SLX4IP: variants seen among roughly 807,000 people sequenced by gnomAD.
SLX4IP encodes the protein SLX4 interacting protein, also known as protein SLX4IP.
In SLX4IP, 34 loss-of-function variants were observed where a neutral mutation model predicts 32.9. The observed-to-expected ratio is 1.03, with a 90% CI of 0.79 to 1.38. The LOEUF (loss-of-function observed/expected upper bound fraction) is 1.38. Ranked by LOEUF, SLX4IP falls within the 40% of genes most tolerant of loss-of-function variation. SLX4IP has a pLI of 0.00. For missense variants in SLX4IP, 444 were observed against 479.0 expected, an observed-to-expected ratio of 0.93 and a Z score of 0.68; for synonymous variants, 172 against 171.7, an observed-to-expected ratio of 1.00 and a Z score of -0.01.
At chr20:10,556,113 T>C (rs2066264009) in intron 2 of SLX4IP, 118 bp from the exon 3 acceptor site, 2 of 771,696 alleles carry the variant, frequency 2.6e-6, no homozygotes, top group African/African-American at 1.8e-5. Flanking sequence ...TTCTGTCTAG[T>C]AGTGAACTTT....
At chr20:10,565,225 C>T (rs1292840357) in intron 4 of SLX4IP, among the ~76,000 whole-genome samples, 1 of 152,156 alleles carries the variant, frequency 6.6e-6, no homozygotes, top group African/African-American at 2.4e-5. Context: ...CCTTAGTTGC[C>T]TGACATTCTT....
At chr20:10,597,540 A>G (rs1679061144) in intron 4 of SLX4IP, among the ~76,000 whole-genome samples, 1 of 152,242 alleles carries the variant, frequency 6.6e-6, no homozygotes, top group Admixed American at 6.5e-5. Context: ...CTTCTGGATC[A>G]GGCTTCTTTC....
At chr20:10,584,355 G>A (rs2035082158) in intron 4 of SLX4IP, among the ~76,000 whole-genome samples, 1 of 152,100 alleles carries the variant, frequency 6.6e-6, no homozygotes, top group South Asian at 2.1e-4. Flanking sequence ...ATAGAATCCA[G>A]CTAAAGGCCT....
At chr20:10,568,983 C>G (rs569720414) in intron 4 of SLX4IP, among the ~76,000 whole-genome samples, 52 of 152,232 alleles carry the variant, frequency 3.4e-4, no homozygotes, top group African/African-American at 1.2e-3. Flanking sequence ...TCTCTTTTTC[C>G]CTTGTGCAAA....
intron 6 of SLX4IP, chr20:10,614,011 C>G: frequency 7.6e-7 from 1 of 1,316,210 alleles, no homozygotes; most frequent in Non-Finnish European, 1.1e-6. Context: ...TCTCTGTCAC[C>G]GAGAATGGAA....
At chr20:10,526,069 A>G (rs894945895) in intron 2 of SLX4IP, among the ~76,000 whole-genome samples, 1 of 151,868 alleles carries the variant, frequency 6.6e-6, no homozygotes, top group Non-Finnish European at 1.5e-5. Context: ...TCTAGCCTGC[A>G]TTTCCGGTCT....
chr20:10,581,946 C>G (rs749969450), intron 4 of SLX4IP, among the ~76,000 whole-genome samples: 17 of 152,020 alleles, frequency 1.1e-4, no homozygotes, highest in Non-Finnish European at 1.9e-4. Context: ...TGACTGAGAG[C>G]TGAGTAATGC....
intron 2 of SLX4IP, among the ~76,000 whole-genome samples, chr20:10,512,776 C>CTATATATATATA (rs769874841): frequency 3.3e-4 from 38 of 114,676 alleles, no homozygotes; most frequent in Admixed American, 4.9e-4. Context: ...CACACACACA[C>CTATATATATATA]TCTATATATA....
Position 10,574,280 on chromosome 20 carries a change from T to G in SLX4IP, c.238+13460T>G, listed in dbSNP as rs190133769. Among the ~76,000 whole-genome samples the G allele has an allele frequency of 4.4e-4, 67 of 152,360 alleles. 1 individual carries two copies. The highest frequency in any genetic ancestry group is 3.5e-3 in the Admixed American group (54 of 15,304). On this transcript the variant is annotated intron_variant, in intron 4 of 7. Transcript: ENST00000334534. Reference sequence around the variant, plus strand: ...TCTTCCAGAAAGGTTAGAATTGTTTTGACCAGAGGTTGTCAAACTTCAATT... The same window carrying G: ...TCTTCCAGAAAGGTTAGAATTGTTTGGACCAGAGGTTGTCAAACTTCAATT...
At chr20:10,437,971 T>C (rs2065128572) in intron 1 of SLX4IP, among the ~76,000 whole-genome samples, 1 of 152,226 alleles carries the variant, frequency 6.6e-6, no homozygotes, top group Non-Finnish European at 1.5e-5. Context: ...ATAGGGTTGA[T>C]GTGAACGTTA....
intron 2 of SLX4IP, among the ~76,000 whole-genome samples, chr20:10,492,826 A>G (rs2065635296): frequency 6.6e-6 from 1 of 152,212 alleles, no homozygotes; most frequent in African/African-American, 2.4e-5. Flanking sequence ...TAGTTATCTC[A>G]GAACAGCTTA....
At position 10,628,002 on chromosome 20, in the gene SLX4IP, T is replaced by C. The variant is rs1346794931; in HGVS notation, c.*4623T>C. On this transcript the variant is annotated 3_prime_UTR_variant, in exon 8 of 8. Transcript: ENST00000334534. ...TATGTAATAGAAATGTACTGTTTTA[T>C]GAATAAGGAGTAAAATTGTTTTAAA... 6.6e-6 allele frequency: 1 copy of C among 152,256 alleles called. No homozygotes were observed. The highest frequency in any genetic ancestry group is 1.5e-5 in the Non-Finnish European group (1 of 68,042). The allele number at this position is 152,256 out of a possible 1,614,324, so 9.4% of individuals were successfully genotyped here.
chr20:10,441,620 A>G (rs148841067), intron 1 of SLX4IP, among the ~76,000 whole-genome samples: 7 of 152,262 alleles, frequency 4.6e-5, no homozygotes, highest in Admixed American at 2.0e-4. Context: ...TATTCTTGGT[A>G]GAGTATCAAT....
chr20:10,544,125 C>G (rs1767968512), intron 2 of SLX4IP, among the ~76,000 whole-genome samples: 1 of 152,166 alleles, frequency 6.6e-6, no homozygotes, highest in Non-Finnish European at 1.5e-5. Context: ...GCCCAGTCAT[C>G]TAACTCATTA....
rs192294792 is a variant in SLX4IP, at chr20:10,569,303, A to G, written c.238+8483A>G. On this transcript the variant is annotated intron_variant, in intron 4 of 7. Coordinates refer to ENST00000334534, the MANE Select transcript of SLX4IP (RefSeq NM_001009608.3). ...CAGGTTCAAGCGATTCTCCTGCCTC[A>G]GCCTCCCAAGTAGCTGGGATTACAG... is the stretch of plus-strand genomic sequence containing the variant. Among the ~76,000 whole-genome samples, 70 of 151,236 alleles carry G rather than the reference A, an allele frequency of 4.6e-4. 1 individual carries two copies. In the East Asian group the frequency reaches 0.013, roughly 27 times the overall value.
At chr20:10,472,393 G>A (rs2065432795) in intron 2 of SLX4IP, among the ~76,000 whole-genome samples, 1 of 152,000 alleles carries the variant, frequency 6.6e-6, no homozygotes, top group African/African-American at 2.4e-5. Flanking sequence ...ACCACGCCCG[G>A]CTAATTTTTT....
intron 1 of SLX4IP, among the ~76,000 whole-genome samples, chr20:10,440,853 CTTG>C (rs959253874): frequency 6.6e-6 from 1 of 152,022 alleles, no homozygotes; most frequent in Non-Finnish European, 1.5e-5. Flanking sequence ...TGCTTGTGCT[CTTG>C]TTGTTGGAAT....
chr20:10,554,663 G>C (rs1027128331), intron 2 of SLX4IP, among the ~76,000 whole-genome samples: 20 of 151,726 alleles, frequency 1.3e-4, no homozygotes, highest in Non-Finnish European at 1.5e-5. Flanking sequence ...ATCTCTTGGT[G>C]GTTTTAATTT....
At chr20:10,539,288 A>G (rs2066078532) in intron 2 of SLX4IP, among the ~76,000 whole-genome samples, 1 of 152,190 alleles carries the variant, frequency 6.6e-6, no homozygotes, top group Non-Finnish European at 1.5e-5. Flanking sequence ...TTTTGGAAAT[A>G]TTACCTGCTC....
Sources: allele counts gnomAD v4.1 joint callset (sites outside exome capture counted in the v4.1 genomes callset), GRCh38; gene constraint gnomAD v4.1.1; transcripts MANE v1.5; gene names NCBI Gene and HGNC (gene_info 2026-07-23, HGNC 2026-07-21).